The following PLXNA4 variants were observed in gnomAD, a reference collection of about 807,000 sequenced individuals.
PLXNA4 encodes the protein plexin-A4.
In PLXNA4, 44 loss-of-function variants were observed where a neutral mutation model predicts 191.8. That is an observed-to-expected ratio of 0.23 (90% CI 0.18 to 0.29). PLXNA4 has a LOEUF of 0.29. Among genes scored for constraint, PLXNA4 ranks in the 10% least tolerant of loss-of-function variants. PLXNA4 has a pLI of 1.00. For synonymous variants in PLXNA4, 1,082 were observed against 1,009.5 expected (o/e 1.07, Z -1.36); for missense variants, 1,800 against 2,488.8 (o/e 0.72, Z 5.89).
intron 3 of PLXNA4, among the ~76,000 whole-genome samples, chr7:132,481,804 T>C (rs917420472): frequency 2.0e-5 from 3 of 152,140 alleles, no homozygotes; most frequent in African/African-American, 4.8e-5. Context: ...CACTGCCCTC[T>C]CTCCAGATGA....
chr7:132,362,275 T>G (rs556735447), intron 3 of PLXNA4, among the ~76,000 whole-genome samples: 1 of 152,308 alleles, frequency 6.6e-6, no homozygotes, highest in East Asian at 1.9e-4. Context: ...ATTGATGTGG[T>G]AGAGCTGCTA....
At chr7:132,243,332 G>A (rs897249774) in intron 4 of PLXNA4, among the ~76,000 whole-genome samples, 4 of 152,078 alleles carry the variant, frequency 2.6e-5, no homozygotes, top group Admixed American at 1.3e-4. Context: ...TCAATCAAAA[G>A]CATTTTCTCG....
At chr7:132,326,581 C>T (rs1284896505) in intron 3 of PLXNA4, among the ~76,000 whole-genome samples, 3 of 152,132 alleles carry the variant, frequency 2.0e-5, no homozygotes, top group African/African-American at 7.2e-5. Flanking sequence ...CTGCTCTGCC[C>T]GCTTGGATGC....
At chr7:132,283,426 G>A (rs1326304875) in intron 4 of PLXNA4, among the ~76,000 whole-genome samples, 3 of 152,232 alleles carry the variant, frequency 2.0e-5, no homozygotes, top group Admixed American at 1.3e-4. Context: ...CTAGGATAGA[G>A]AGATACGATC....
In PLXNA4 at chr7:132,530,736, C is replaced by A. The variant is rs534807998; in HGVS notation, c.-86-21957G>T. Among the ~76,000 whole-genome samples, 121 of 152,306 alleles carry A rather than the reference C, an allele frequency of 7.9e-4. 1 individual carries two copies. The highest frequency in any genetic ancestry group is 1.5e-3 in the Non-Finnish European group (100 of 68,018). ...TACCACATGATCCAGCAATTCCACT[C>A]CTAAGTATATTCCAAAACAGAAATT... On this transcript the variant is annotated intron_variant, in intron 1 of 31. Transcript: ENST00000321063.
intron 4 of PLXNA4, among the ~76,000 whole-genome samples, chr7:132,254,790 T>C (rs1333967527): frequency 6.6e-6 from 1 of 152,190 alleles, no homozygotes; most frequent in Non-Finnish European, 1.5e-5. Context: ...GGATAATGCA[T>C]CCATTTCACA....
intron 3 of PLXNA4, among the ~76,000 whole-genome samples, chr7:132,451,952 C>A (rs1393508247): frequency 5.3e-5 from 8 of 152,218 alleles, no homozygotes; most frequent in Non-Finnish European, 1.2e-4. Context: ...AAGCTCTTCC[C>A]AAAAGGAGGC....
At chr7:132,312,129 A>C (rs1016126640) in intron 3 of PLXNA4, among the ~76,000 whole-genome samples, 3 of 143,984 alleles carry the variant, frequency 2.1e-5, no homozygotes, top group African/African-American at 8.2e-5. Flanking sequence ...GAGGCACCAG[A>C]GCCAAAGTGC....
intron 25 of PLXNA4, among the ~76,000 whole-genome samples, chr7:132,150,181 T>G (rs1795554288): frequency 6.6e-6 from 1 of 152,192 alleles, no homozygotes; most frequent in Admixed American, 6.5e-5. Flanking sequence ...GTGATTATGG[T>G]CTGGGGTGGT....
At chr7:132,252,299 GTTTTTTTTTTT>G (rs71178032) in intron 4 of PLXNA4, among the ~76,000 whole-genome samples, 5 of 75,308 alleles carry the variant, frequency 6.6e-5, no homozygotes, top group African/African-American at 9.7e-5. Flanking sequence ...CATTCTAAAA[GTTTTTTTTTTT>G]TTTTTTTTTT....
chr7:132,161,075 C>A (rs1428664599), intron 24 of PLXNA4, among the ~76,000 whole-genome samples: 2 of 152,214 alleles, frequency 1.3e-5, no homozygotes, highest in Non-Finnish European at 2.9e-5. Flanking sequence ...CTGGCCCCTT[C>A]CCTCTGCTCA....
chr7:132,168,721 T>C, intron 21 of PLXNA4, 149 bp from the exon 22 acceptor site: 2 of 1,155,888 alleles, frequency 1.7e-6, no homozygotes, highest in Non-Finnish European at 2.3e-6. Flanking sequence ...CCCTTAGCAC[T>C]GAGTTAAGTA....
At chr7:132,637,754 C>G (rs755795629) in intron 2 of PLXNA4, among the ~76,000 whole-genome samples, 4 of 152,206 alleles carry the variant, frequency 2.6e-5, no homozygotes, top group Non-Finnish European at 5.9e-5. Context: ...CCCAAAACCT[C>G]AGGTGGGAGG....
rs375715133 is a variant in PLXNA4, at chr7:132,508,465, C to T, written c.229G>A (p.Asp77Asn). 1.1e-5 allele frequency: 17 copies of T among 1,614,096 alleles called. No homozygotes were observed. Among genetic ancestry groups the T allele is most frequent in the Admixed American group, 1.7e-5 (1 of 60,004 alleles). The change falls in exon 2 of 32, where the codon GAC becomes AAC. Residue 77 changes from aspartate (D) to asparagine (N), a missense_variant. By Grantham distance (23) the Asp-to-Asn change is conservative. This residue lies in a region of PLXNA4 where 1,397 missense variants were observed against 1,880.4 expected (regional missense o/e 0.74). Transcript: ENST00000321063. The surrounding 1 kb of genome is among the most constrained non-coding windows in gnomAD (Gnocchi z 4.4). Reference sequence around the variant, plus strand: ...TCATGCGTCACCAAGACCTTCAGGTCGCTGGAGAGCTTGTAAATCCGATTG... The same window carrying T: ...TCATGCGTCACCAAGACCTTCAGGTTGCTGGAGAGCTTGTAAATCCGATTG... Reference protein sequence around the residue: ...AVNRIYKLSSDLKVLVTHETG... With the variant: ...AVNRIYKLSSNLKVLVTHETG...
At chr7:132,333,729 C>A (rs953356974) in intron 3 of PLXNA4, among the ~76,000 whole-genome samples, 5 of 152,184 alleles carry the variant, frequency 3.3e-5, no homozygotes, top group African/African-American at 4.8e-5. Flanking sequence ...GACATCATTC[C>A]CCTTCAGTGA....
intron 4 of PLXNA4, among the ~76,000 whole-genome samples, chr7:132,286,268 C>T (rs760153659): frequency 1.3e-5 from 2 of 152,140 alleles, no homozygotes; most frequent in Non-Finnish European, 2.9e-5. Context: ...GCTTACTAAA[C>T]AGACATGGTG....
intron 24 of PLXNA4, among the ~76,000 whole-genome samples, chr7:132,160,865 A>G (rs1795929585): frequency 6.6e-6 from 1 of 152,158 alleles, no homozygotes; most frequent in South Asian, 2.1e-4. Context: ...CCTGCCTTTC[A>G]TTAGCAACTA....
In PLXNA4 at chr7:132,639,118, C is replaced by T. The variant is rs535737533; in HGVS notation, c.-87+6810G>A. 6.9e-4 allele frequency among the ~76,000 whole-genome samples: 105 copies of T among 152,302 alleles called. 1 individual carries two copies. Among genetic ancestry groups the T allele is most frequent in the Middle Eastern group, 6.8e-3 (2 of 294 alleles). On this transcript the variant is annotated intron_variant, in intron 2 of 4. Transcript: ENST00000378539. ...AAGGATGGACTGAGAACACCCATCA[C>T]GGTGCTGAGCTTATAACCCAGGCCA...
intron 1 of PLXNA4, among the ~76,000 whole-genome samples, chr7:132,569,177 C>A (rs1326296883): frequency 6.6e-6 from 1 of 152,258 alleles, no homozygotes; most frequent in Non-Finnish European, 1.5e-5. Flanking sequence ...TATTCTGAGA[C>A]ATACTGTTCA....
Sources: gnomAD v4.1 joint callset for allele counts (sites outside exome capture counted in the v4.1 genomes callset) on GRCh38, gnomAD v4.1.1 for gene constraint, gnomAD v4.1.1 regional missense constraint, Gnocchi (gnomAD v3.1) non-coding constraint, MANE v1.5 for transcripts, NCBI Gene and HGNC (gene_info 2026-07-23, HGNC 2026-07-21) for gene names.